The following KLRG1 variants were observed in gnomAD, a reference collection of about 807,000 sequenced individuals.
KLRG1 encodes the protein killer cell lectin-like receptor subfamily G member 1.
In KLRG1, 16 loss-of-function variants were observed where a neutral mutation model predicts 21.8. The ratio of observed to expected loss-of-function variants is 0.73; its 90% CI spans 0.50 to 1.11. The LOEUF is 1.11. Among genes scored for constraint, KLRG1 ranks in the 50% most tolerant of loss-of-function variants. The pLI, the probability that KLRG1 is intolerant of heterozygous loss-of-function variation, is 0.00. For synonymous variants in KLRG1, 69 were observed against 75.9 expected, an observed-to-expected ratio of 0.91 and a Z score of 0.47; for missense variants, 173 against 218.3, an observed-to-expected ratio of 0.79 and a Z score of 1.31.
At chr12:9,140,273 C>G in the KLRG1 span, among the ~76,000 whole-genome samples, 5,861 of 152,078 alleles carry the variant, frequency 0.039, 392 homozygotes, top group African/African-American at 0.13. Flanking sequence ...TAGGGGGGGG[C>G]CCAGGAATGG....
chr12:9,012,641 A>C (rs1209086108), downstream of KLRG1, among the ~76,000 whole-genome samples: 1 of 151,770 alleles, frequency 6.6e-6, no homozygotes, highest in African/African-American at 2.4e-5. Flanking sequence ...ACCCAAGACT[A>C]ATGGGGACTC....
At chr12:9,143,105 G>A in the KLRG1 span, among the ~76,000 whole-genome samples, 4 of 152,280 alleles carry the variant, frequency 2.6e-5, no homozygotes, top group South Asian at 8.3e-4. Context: ...TTTTCATCAG[G>A]GGTGAGGGTT....
chr12:9,130,795 A>C, the KLRG1 span, among the ~76,000 whole-genome samples: 1 of 151,564 alleles, frequency 6.6e-6, no homozygotes, highest in Non-Finnish European at 1.5e-5. Context: ...AAATGTTTTC[A>C]AGTTTGATGT....
the KLRG1 span, chr12:9,068,737 C>T: frequency 1.3e-6 from 2 of 1,590,590 alleles, no homozygotes; most frequent in Admixed American, 3.5e-5. Flanking sequence ...CACTCTCACT[C>T]ACCCGTCTCG....
At chr12:8,959,752 C>CT (rs1946353394) in intron 1 of KLRG1, among the ~76,000 whole-genome samples, 1 of 152,100 alleles carries the variant, frequency 6.6e-6, no homozygotes, top group African/African-American at 2.4e-5. Flanking sequence ...ACTTACGTGT[C>CT]TTTCGTTACA....
chr12:9,170,000 A>T, the KLRG1 span: 1 of 153,644 alleles, frequency 6.5e-6, no homozygotes, highest in Non-Finnish European at 1.4e-5. Flanking sequence ...CTCAGACAGA[A>T]AATCGTATAG....
the KLRG1 span, among the ~76,000 whole-genome samples, chr12:9,174,697 A>C: frequency 6.6e-6 from 1 of 152,188 alleles, no homozygotes; most frequent in Non-Finnish European, 1.5e-5. Flanking sequence ...ATCATGAATG[A>C]ACTCCCATTC....
At chr12:9,194,337 C>A in the KLRG1 span, 7 of 1,136,324 alleles carry the variant, frequency 6.2e-6, no homozygotes, top group African/African-American at 9.4e-5. Flanking sequence ...AAAACAACAA[C>A]CTCCCCCTCA....
intron 3 of KLRG1, among the ~76,000 whole-genome samples, chr12:9,001,768 GA>G (rs926252237): frequency 5.9e-5 from 9 of 152,292 alleles, no homozygotes; most frequent in Admixed American, 3.3e-4. Context: ...TCCCTTGTGG[GA>G]ATTCCCCTGT....
the KLRG1 span, chr12:9,079,297 A>G: frequency 6.2e-7 from 1 of 1,613,808 alleles, no homozygotes; most frequent in Non-Finnish European, 8.5e-7. Context: ...TGTAGGAGCC[A>G]TCATAGTGTT....
chr12:9,070,167 T>G, the KLRG1 span, among the ~76,000 whole-genome samples: 1 of 152,242 alleles, frequency 6.6e-6, no homozygotes, highest in Non-Finnish European at 1.5e-5. Flanking sequence ...TACTTATAGT[T>G]TATGCCAATC....
chr12:9,027,573 C>T, the KLRG1 span: 1 of 943,406 alleles, frequency 1.1e-6, no homozygotes, highest in Non-Finnish European at 1.7e-6. Context: ...ACTAGAACCA[C>T]CATAGGCACC....
chr12:9,134,146 T>C, the KLRG1 span, among the ~76,000 whole-genome samples: 10 of 152,204 alleles, frequency 6.6e-5, no homozygotes, highest in Non-Finnish European at 1.5e-4. Context: ...TTTGCCTGTC[T>C]TGGTCTCAAT....
At chr12:9,009,237 CAAAAAAA>C (rs112576720) in intron 4 of KLRG1, among the ~76,000 whole-genome samples, 162 bp downstream of exon 4, 4 of 107,858 alleles carry the variant, frequency 3.7e-5, no homozygotes, top group Admixed American at 9.0e-5. Flanking sequence ...TGGGTAAGGG[CAAAAAAA>C]AAAAAAAAAA....
chr12:8,958,948 C>G (rs985369887), intron 1 of KLRG1, among the ~76,000 whole-genome samples: 2 of 151,924 alleles, frequency 1.3e-5, no homozygotes, highest in Non-Finnish European at 2.9e-5. Context: ...AATGTTGAGT[C>G]TTATAATTCA....
chr12:9,125,169 G>C, the KLRG1 span, among the ~76,000 whole-genome samples: 1 of 152,220 alleles, frequency 6.6e-6, no homozygotes. Context: ...CCGCTCCAGG[G>C]CCTCCTCTCT....
At chr12:9,027,818 G>A in the KLRG1 span, 1 of 1,187,120 alleles carries the variant, frequency 8.4e-7, no homozygotes, top group Non-Finnish European at 1.2e-6. Context: ...AAGCCACCAT[G>A]ACCATGAAGT....
intron 1 of KLRG1, among the ~76,000 whole-genome samples, chr12:8,969,668 A>T (rs1946536160): frequency 6.6e-6 from 1 of 152,268 alleles, no homozygotes; most frequent in South Asian, 2.1e-4. Context: ...AATAGAAAAT[A>T]GAAAAACAAC....
the KLRG1 span, among the ~76,000 whole-genome samples, chr12:9,202,103 C>T: frequency 6.6e-6 from 1 of 152,052 alleles, no homozygotes; most frequent in African/African-American, 2.4e-5. Flanking sequence ...GCAGCTATTG[C>T]CAGACTGATT....
Sources: gnomAD v4.1 joint callset for allele counts (sites outside exome capture counted in the v4.1 genomes callset) on GRCh38, gnomAD v4.1.1 for gene constraint, MANE v1.5 for transcripts, NCBI Gene and HGNC (gene_info 2026-07-23, HGNC 2026-07-21) for gene names.